Variants in CRTC1 observed in about 807,000 individuals in gnomAD.
CRTC1 encodes the protein CREB-regulated transcription coactivator 1.
In CRTC1, 18 loss-of-function variants were observed where a neutral mutation model predicts 66.1. The ratio of observed to expected loss-of-function variants is 0.27; its 90% CI spans 0.19 to 0.40. The LOEUF is 0.40. CRTC1 is among the 10% of genes least tolerant of loss of function. The probability of loss-of-function intolerance (pLI) is 1.00; values close to 1 mark genes in which losing one functional copy is unlikely to be tolerated. For synonymous variants in CRTC1, 416 were observed against 398.8 expected (o/e 1.04, Z -0.51); for missense variants, 669 against 887.9 (o/e 0.75, Z 3.13).
In CRTC1 at chr19:18,741,924, G is replaced by C. The variant is rs2054119596; in HGVS notation, c.127-986G>C. Among the ~76,000 whole-genome samples the C allele has an allele frequency of 6.6e-6, 1 of 152,114 alleles. No individual in the cohort carries two copies. Among genetic ancestry groups the C allele is most frequent in the Non-Finnish European group, 1.5e-5 (1 of 67,982 alleles). On this transcript the variant is annotated intron_variant, in intron 1 of 13. Transcript: ENST00000321949. The surrounding 1 kb of genome is among the most constrained non-coding windows in gnomAD (Gnocchi z 4.2). ...CAGCCAGCTCTCCACGCACTGCCAG[G>C]AGCTGTTTGTAAGGAACGAGTCGGC...
intron 1 of CRTC1, among the ~76,000 whole-genome samples, chr19:18,724,157 C>T (rs116725302): frequency 3.2e-4 from 48 of 152,276 alleles, no homozygotes; most frequent in African/African-American, 9.1e-4. Flanking sequence ...TCGGCAGCAT[C>T]GACACGGCTC....
intron 1 of CRTC1, among the ~76,000 whole-genome samples, chr19:18,692,656 C>T (rs12982028): frequency 6.6e-6 from 1 of 151,374 alleles, no homozygotes; most frequent in South Asian, 2.1e-4. Flanking sequence ...TCCACGTGCT[C>T]TGGGGAATCT....
chr19:18,750,460 T>C (rs2054338700), intron 5 of CRTC1, among the ~76,000 whole-genome samples: 1 of 152,244 alleles, frequency 6.6e-6, no homozygotes, highest in East Asian at 1.9e-4. Context: ...GGTCCTTGGC[T>C]CCAATTTGAA....
At chr19:18,717,089 A>G (rs2053526110) in intron 1 of CRTC1, among the ~76,000 whole-genome samples, 1 of 152,224 alleles carries the variant, frequency 6.6e-6, no homozygotes, top group Non-Finnish European at 1.5e-5. Context: ...GAGTGTGCAC[A>G]CATGTGGCTG....
rs1439166566 is a variant in CRTC1 at position 18,771,376 on chromosome 19, A to G, written c.1321-66A>G. On this transcript the variant is annotated intron_variant, in intron 10 of 13. Transcript: ENST00000321949. This position sits in a 1 kb window ranked among gnomAD's most constrained non-coding sequence, Gnocchi z 4.6. Reference sequence around the variant, plus strand: ...GGGGGCTGATCAGGCTGCTCCCGGGAAGCAGGGACTGGAGCCCGGGCTTGG... The same window carrying G: ...GGGGGCTGATCAGGCTGCTCCCGGGGAGCAGGGACTGGAGCCCGGGCTTGG... 3 of 1,394,274 alleles carry G rather than the reference A, an allele frequency of 2.2e-6. No homozygotes were observed. Among genetic ancestry groups the G allele is most frequent in the Non-Finnish European group, 3.0e-6 (3 of 1,016,868 alleles). The allele number at this position is 1,394,274 out of a possible 1,614,324, so 86.4% of individuals were successfully genotyped here.
chr19:18,746,690 C>T (rs988077890), intron 3 of CRTC1, among the ~76,000 whole-genome samples: 3 of 152,156 alleles, frequency 2.0e-5, no homozygotes, highest in African/African-American at 7.2e-5. Flanking sequence ...CCCCGTCAGC[C>T]CAGGATGGAG....
intron 11 of CRTC1, among the ~76,000 whole-genome samples, chr19:18,773,739 C>G (rs1229757735): frequency 6.6e-6 from 1 of 152,182 alleles, no homozygotes; most frequent in Non-Finnish European, 1.5e-5. Flanking sequence ...CACCTTTTTA[C>G]CTCTTCTCTG....
At chr19:18,701,120 C>G (rs1471899295) in intron 1 of CRTC1, among the ~76,000 whole-genome samples, 1 of 152,262 alleles carries the variant, frequency 6.6e-6, no homozygotes, top group Non-Finnish European at 1.5e-5. Context: ...GCAAGGAGCC[C>G]GCTAATCCCT....
chr19:18,694,502 G>C (rs1459102311), intron 1 of CRTC1, among the ~76,000 whole-genome samples: 1 of 152,032 alleles, frequency 6.6e-6, no homozygotes, highest in South Asian at 2.1e-4. Flanking sequence ...GAGATCATGC[G>C]GTCCACTGTG....
At chr19:18,736,720 A>T (rs1019153858) in intron 1 of CRTC1, among the ~76,000 whole-genome samples, 22 of 150,278 alleles carry the variant, frequency 1.5e-4, no homozygotes, top group African/African-American at 5.5e-4. Context: ...AGGGGGGGAA[A>T]CTGAGGCCTG....
At position 18,702,084 on chromosome 19, in the gene CRTC1, C is replaced by T. The variant is rs139734614; in HGVS notation, c.126+18256C>T. ...GATTATAGGCGTGTACCACCACACC[C>T]GGCTAATTTTGTATTGTTAATAGAG... On this transcript the variant is annotated intron_variant, in intron 1 of 13. Coordinates refer to ENST00000321949, the MANE Select transcript of CRTC1 (RefSeq NM_015321.3). 9.9e-5 allele frequency among the ~76,000 whole-genome samples: 15 copies of T among 151,520 alleles called. No individual in the cohort carries two copies. The East Asian group carries it at 2.5e-3, about 26-fold the overall frequency.
chr19:18,759,517 C>T (rs778167240), intron 6 of CRTC1, 34 bp from the exon 7 acceptor site: 1 of 1,608,138 alleles, frequency 6.2e-7, no homozygotes. Flanking sequence ...CAGGGTGTGC[C>T]CCAGGGCTCA....
chr19:18,717,751 A>G (rs367625185), intron 1 of CRTC1, among the ~76,000 whole-genome samples: 40 of 152,200 alleles, frequency 2.6e-4, no homozygotes, highest in African/African-American at 7.7e-4. Flanking sequence ...GCAGGGCCGC[A>G]GGGACATGGG....
chr19:18,727,192 A>C (rs1353334901), intron 1 of CRTC1, among the ~76,000 whole-genome samples: 4 of 152,064 alleles, frequency 2.6e-5, no homozygotes, highest in Non-Finnish European at 5.9e-5. Context: ...CAAGGCTGCC[A>C]TGAGCTATGA....
At position 18,777,368 on chromosome 19, in the gene CRTC1, A is replaced by G. The variant is rs1418030744; in HGVS notation, c.1891A>G (p.Met631Val). The G allele has an allele frequency of 6.2e-7, 1 of 1,603,744 alleles. No individual in the cohort carries two copies. Among genetic ancestry groups the G allele is most frequent in the Admixed American group, 1.7e-5 (1 of 60,010 alleles). Residue 631 changes from methionine to valine, a missense_variant, in exon 14 of 14, where the codon ATG (methionine) becomes GTG (valine). By Grantham distance (21) the Met-to-Val change is conservative. Around this residue, in one of 8 missense-constraint regions of CRTC1, gnomAD observed 91 missense variants for 99.1 expected, o/e 0.92. Transcript: ENST00000321949. The surrounding 1 kb of genome is among the most constrained non-coding windows in gnomAD (Gnocchi z 5.5). Reference sequence around the variant, plus strand: ...CCCAGCCACCGAGGACACCTTCCGGATGGACCGCCTGTGAGCGGGCACGCC... The same window carrying G: ...CCCAGCCACCGAGGACACCTTCCGGGTGGACCGCCTGTGAGCGGGCACGCC... ...ADPATEDTFR[M>V]DRL
intron 2 of CRTC1, among the ~76,000 whole-genome samples, chr19:18,743,782 C>T (rs1297528707): frequency 6.6e-6 from 1 of 152,254 alleles, no homozygotes; most frequent in Non-Finnish European, 1.5e-5. Context: ...GATCCTTGGG[C>T]TGGCCACCAC....
chr19:18,761,853 G>A (rs896811288), intron 8 of CRTC1, among the ~76,000 whole-genome samples: 2 of 152,108 alleles, frequency 1.3e-5, no homozygotes, highest in African/African-American at 4.8e-5. Context: ...ATAGTGAAGA[G>A]GGAACAGGGC....
rs1756133659 is a variant in CRTC1, at chr19:18,780,560, G to A, written c.*3178G>A. The A allele has an allele frequency of 1.3e-5, 3 of 230,670 alleles. No homozygotes were observed. Among genetic ancestry groups the A allele is most frequent in the Non-Finnish European group, 2.6e-5 (3 of 116,530 alleles). The allele number at this position is 230,670 out of a possible 1,614,324, so 14.3% of individuals were successfully genotyped here. A position where few individuals can be genotyped will look rare whatever the true frequency, so the allele number is the denominator to read the frequency against. On this transcript the variant is annotated 3_prime_UTR_variant, in exon 14 of 14. Transcript: ENST00000321949. Reference sequence around the variant, plus strand: ...CCCGGGAGGACCCCTAGCCAGGAGGGCCCCCCATGTCCATCCATCCCTCCT... The same window carrying A: ...CCCGGGAGGACCCCTAGCCAGGAGGACCCCCCATGTCCATCCATCCCTCCT...
intron 1 of CRTC1, among the ~76,000 whole-genome samples, chr19:18,707,114 A>G (rs929503218): frequency 6.6e-6 from 1 of 151,968 alleles, no homozygotes; most frequent in Non-Finnish European, 1.5e-5. Context: ...ATTATTGCCA[A>G]CTCCAGTGTA....
Sources: gnomAD v4.1 joint callset for allele counts (sites outside exome capture counted in the v4.1 genomes callset) on GRCh38, gnomAD v4.1.1 for gene constraint, gnomAD v4.1.1 regional missense constraint, Gnocchi (gnomAD v3.1) non-coding constraint, MANE v1.5 for transcripts, NCBI Gene and HGNC (gene_info 2026-07-23, HGNC 2026-07-21) for gene names.